Variants in WWOX observed in about 807,000 individuals in gnomAD.
The protein encoded by WWOX is WW domain-containing oxidoreductase.
In WWOX, 69 loss-of-function variants were observed where a neutral mutation model predicts 46.2. The ratio of observed to expected loss-of-function variants is 1.49; its 90% CI spans 1.23 to 1.82. WWOX has a LOEUF of 1.82. Ranked by LOEUF, WWOX falls within the 40% of genes most tolerant of loss-of-function variation. The probability of loss-of-function intolerance (pLI) is 0.00; values close to 1 mark genes in which losing one functional copy is unlikely to be tolerated. For missense variants in WWOX, 919 were observed against 542.6 expected (o/e 1.69, Z -6.89); for synonymous variants, 359 against 202.6 (o/e 1.77, Z -6.56).
chr16:78,340,353 A>T (rs112534251), intron 5 of WWOX, among the ~76,000 whole-genome samples: 13,429 of 116,538 alleles, frequency 0.12, 4,014 homozygotes, highest in East Asian at 0.21. Flanking sequence ...CGTGTCACCA[A>T]GCCGAACTAA....
intron 8 of WWOX, among the ~76,000 whole-genome samples, chr16:79,047,163 ATATT>A (rs754662230): frequency 2.0e-5 from 3 of 152,194 alleles, no homozygotes; most frequent in Non-Finnish European, 4.4e-5. Context: ...CAGTCAATAA[ATATT>A]TATTGAGTAG....
chr16:79,174,380 G>A (rs990840834), intron 8 of WWOX, among the ~76,000 whole-genome samples: 18 of 152,236 alleles, frequency 1.2e-4, no homozygotes, highest in African/African-American at 4.3e-4. Flanking sequence ...CGGGTGTGGT[G>A]GCTCACGCCT....
chr16:78,147,739 C>T (rs1208098937), intron 4 of WWOX, among the ~76,000 whole-genome samples: 6 of 135,166 alleles, frequency 4.4e-5, no homozygotes, highest in Admixed American at 3.9e-4. Context: ...AGCACATTGT[C>T]CACATGGACA....
intron 8 of WWOX, among the ~76,000 whole-genome samples, chr16:78,705,915 T>G (rs1199536440): frequency 3.9e-5 from 6 of 152,228 alleles, no homozygotes; most frequent in African/African-American, 1.4e-4. Flanking sequence ...TATAAGCATC[T>G]GTTTATTTAC....
intron 8 of WWOX, among the ~76,000 whole-genome samples, chr16:78,832,077 G>C (rs1003334211): frequency 6.6e-6 from 1 of 152,114 alleles, no homozygotes; most frequent in African/African-American, 2.4e-5. Context: ...TGTCTTTGTG[G>C]GTCAGGAATT....
At chr16:78,370,817 C>T (rs1199676470) in intron 5 of WWOX, among the ~76,000 whole-genome samples, 1 of 151,084 alleles carries the variant, frequency 6.6e-6, no homozygotes, top group Non-Finnish European at 1.5e-5. Context: ...CATTCTTAAC[C>T]CCCTTCCAGT....
At chr16:78,738,813 C>G (rs559922838) in intron 8 of WWOX, among the ~76,000 whole-genome samples, 1 of 152,286 alleles carries the variant, frequency 6.6e-6, no homozygotes, top group Admixed American at 6.5e-5. Flanking sequence ...AAGCCACAGT[C>G]TCCTAGTCCT....
At chr16:79,192,237 A>G (rs910825762) in intron 8 of WWOX, among the ~76,000 whole-genome samples, 13 of 152,182 alleles carry the variant, frequency 8.5e-5, no homozygotes, top group Admixed American at 3.9e-4. Flanking sequence ...CATTTCCACA[A>G]TACGCCTCCC....
At position 78,755,038 on chromosome 16, in the gene WWOX, G is replaced by T. The variant is rs2049604564; in HGVS notation, c.1056+322286G>T. ...CGGGAGGGGGGAACATCACACACCG[G>T]GGCCTGTCTGGGGGTAGGGGGAAAG... is the stretch of plus-strand genomic sequence containing the variant. On this transcript the variant is annotated intron_variant, in intron 8 of 8. Coordinates refer to ENST00000566780, the MANE Select transcript of WWOX (RefSeq NM_016373.4). Among the ~76,000 whole-genome samples, 5 of 151,026 alleles carry T rather than the reference G, an allele frequency of 3.3e-5. No homozygotes were observed. The South Asian group carries it at 1.1e-3, about 32-fold the overall frequency.
Position 79,137,477 on chromosome 16 carries a change from C to G in WWOX, c.1057-74131C>G, listed in dbSNP as rs144893986. 2.6e-3 allele frequency among the ~76,000 whole-genome samples: 391 copies of G among 152,288 alleles called. 2 individuals carry two copies. The highest frequency in any genetic ancestry group is 8.9e-3 in the African/African-American group (369 of 41,554). ...CTAAAATGTCAGAAAGTTTAGGATT[C>G]TCTTCAGGTAGTTTCCTTTCTCTCA... On this transcript the variant is annotated intron_variant, in intron 8 of 8. Coordinates refer to ENST00000566780, the MANE Select transcript of WWOX (RefSeq NM_016373.4).
chr16:78,398,211 C>G (rs1228437824), intron 6 of WWOX, among the ~76,000 whole-genome samples: 1 of 152,170 alleles, frequency 6.6e-6, no homozygotes, highest in Non-Finnish European at 1.5e-5. Flanking sequence ...GCTATCTGAC[C>G]TGCAAATAGC....
intron 8 of WWOX, among the ~76,000 whole-genome samples, chr16:78,876,585 C>G (rs57002359): frequency 7.9e-5 from 12 of 151,628 alleles, no homozygotes; most frequent in Admixed American, 5.9e-4. Context: ...TTTGTTAATG[C>G]TTTCGACTTA....
rs1045882790 is a variant in WWOX at position 79,077,071 on chromosome 16, C to A, written c.1057-134537C>A. On this transcript the variant is annotated intron_variant, in intron 8 of 8. Transcript: ENST00000566780. ...CCTAAGGTTCCACGTAATAATTTGT[C>A]CAGGTCTCATAGCAAAAAGGTGGCC... 2.0e-5 allele frequency among the ~76,000 whole-genome samples: 3 copies of A among 152,268 alleles called. No individual in the cohort carries two copies. The East Asian group carries it at 5.8e-4, about 29-fold the overall frequency.
chr16:79,007,100 A>G (rs965231049), intron 8 of WWOX, among the ~76,000 whole-genome samples: 10 of 152,184 alleles, frequency 6.6e-5, no homozygotes, highest in Non-Finnish European at 1.3e-4. Flanking sequence ...TATGCCAAGC[A>G]GAGAGGTCAC....
intron 4 of WWOX, among the ~76,000 whole-genome samples, chr16:78,154,485 CTTTTTTTTT>C (rs557916068): frequency 1.5e-4 from 12 of 77,812 alleles, no homozygotes; most frequent in Admixed American, 3.5e-4. Flanking sequence ...AATCCTTGAT[CTTTTTTTTT>C]TTTTTTTTTT....
chr16:79,123,471 G>C (rs1031879790), intron 8 of WWOX, among the ~76,000 whole-genome samples: 1 of 152,144 alleles, frequency 6.6e-6, no homozygotes, highest in Non-Finnish European at 1.5e-5. Flanking sequence ...CTGCTTGCCA[G>C]ACACTGATCT....
At chr16:78,321,603 C>T (rs897823248) in intron 5 of WWOX, among the ~76,000 whole-genome samples, 10 of 151,792 alleles carry the variant, frequency 6.6e-5, no homozygotes, top group Admixed American at 3.9e-4. Flanking sequence ...TGAATAAAGA[C>T]GTGGGGCTTG....
intron 5 of WWOX, among the ~76,000 whole-genome samples, chr16:78,335,827 C>G (rs1459283271): frequency 1.3e-5 from 2 of 152,052 alleles, no homozygotes; most frequent in Non-Finnish European, 2.9e-5. Flanking sequence ...CATGATGACT[C>G]ACATTTGTAA....
chr16:78,555,365 GCA>G (rs1351280337), intron 8 of WWOX, among the ~76,000 whole-genome samples: 1 of 151,882 alleles, frequency 6.6e-6, no homozygotes, highest in East Asian at 1.9e-4. Context: ...TGTACATTTG[GCA>G]CAGTTATTGT....
Sources: allele counts gnomAD v4.1 joint callset (sites outside exome capture counted in the v4.1 genomes callset), GRCh38; gene constraint gnomAD v4.1.1; transcripts MANE v1.5; gene names NCBI Gene and HGNC (gene_info 2026-07-23, HGNC 2026-07-21).